The following TRIM71 variants were observed in gnomAD, a reference collection of about 807,000 sequenced individuals.
TRIM71 encodes the protein E3 ubiquitin-protein ligase TRIM71.
Under a neutral mutation model 61.2 loss-of-function variants are expected in TRIM71, and 9 were observed. That is an observed-to-expected ratio of 0.15 (90% CI 0.09 to 0.26). The LOEUF is 0.26. Among genes scored for constraint, TRIM71 ranks in the 10% least tolerant of loss-of-function variants. The pLI is 1.00. For missense variants in TRIM71, 998 were observed against 1,238.7 expected, an observed-to-expected ratio of 0.81 and a Z score of 2.92; for synonymous variants, 645 against 553.2, an observed-to-expected ratio of 1.17 and a Z score of -2.33.
rs1239376404 is a variant in TRIM71 at position 32,818,499 on chromosome 3, C to T, written c.419C>T (p.Pro140Leu). The part of the protein sequence containing the change: ...PPPKNGRAGA[P>L]AGAGGHSNHR... ...CCCAAGAACGGGCGCGCCGGCGCTC[C>T]GGCGGGAGCGGGCGGCCACAGCAAC... Residue 140 changes from proline to leucine, a missense_variant, in exon 1 of 4, where the codon CCG (proline) becomes CTG (leucine). Around this residue, in one of 5 missense-constraint regions of TRIM71, gnomAD observed 527 missense variants for 427.8 expected, o/e 1.23. Transcript: ENST00000383763. The T allele has an allele frequency of 2.8e-6, 4 of 1,421,888 alleles. No individual in the cohort carries two copies. The African/African-American group carries it at 4.5e-5, about 16-fold the overall frequency. The allele number at this position is 1,421,888 out of a possible 1,614,324, so 88.1% of individuals were successfully genotyped here.
At chr3:32,852,920 G>A (rs1016179690) in intron 1 of TRIM71, among the ~76,000 whole-genome samples, 4 of 152,130 alleles carry the variant, frequency 2.6e-5, no homozygotes, top group Non-Finnish European at 4.4e-5. Context: ...CCCCAGTTTG[G>A]TGTGAATAAA....
chr3:32,822,167 C>T (rs1193291658), intron 1 of TRIM71, among the ~76,000 whole-genome samples: 1 of 152,052 alleles, frequency 6.6e-6, no homozygotes, highest in Non-Finnish European at 1.5e-5. Context: ...GGGTTTGAAC[C>T]CAGGAAAGCC....
At chr3:32,841,811 A>C (rs1696409442) in intron 1 of TRIM71, among the ~76,000 whole-genome samples, 1 of 152,030 alleles carries the variant, frequency 6.6e-6, no homozygotes, top group Admixed American at 6.6e-5. Context: ...CTTCCTTTTT[A>C]ATTTATTTTA....
intron 1 of TRIM71, among the ~76,000 whole-genome samples, chr3:32,856,527 G>C (rs1156794061): frequency 6.6e-6 from 1 of 152,160 alleles, no homozygotes; most frequent in Non-Finnish European, 1.5e-5. Flanking sequence ...AAATGTACTG[G>C]ATGTTAAAAA....
intron 1 of TRIM71, among the ~76,000 whole-genome samples, chr3:32,866,479 G>T (rs531599224): frequency 2.0e-5 from 3 of 151,332 alleles, no homozygotes; most frequent in African/African-American, 7.3e-5. Context: ...TGCCCTCTTC[G>T]CACTCCCAAA....
intron 1 of TRIM71, among the ~76,000 whole-genome samples, chr3:32,847,176 C>T (rs544602519): frequency 1.3e-5 from 2 of 151,364 alleles, no homozygotes; most frequent in East Asian, 2.0e-4. Context: ...AGGCTCTCGC[C>T]GCCAGGTCCA....
At chr3:32,819,970 C>T (rs1485532159) in intron 1 of TRIM71, among the ~76,000 whole-genome samples, 2 of 152,268 alleles carry the variant, frequency 1.3e-5, no homozygotes, top group African/African-American at 2.4e-5. Context: ...AGTGTGACCC[C>T]TTTCTCCTTT....
chr3:32,890,302 T>C lies in TRIM71; in HGVS notation c.1156-58T>C, dbSNP rs1476480177. On this transcript the variant is annotated intron_variant, in intron 3 of 3. Transcript: ENST00000383763. The surrounding 1 kb of genome is among the most constrained non-coding windows in gnomAD (Gnocchi z 6.2). ...GTGATTAGTTGTGGCTTATGTGGTA[T>C]TTTCTGTGCTTGGCTCTAAGCCTCT... The C allele has an allele frequency of 3.2e-6, 5 of 1,555,718 alleles. No homozygotes were observed. The highest frequency in any genetic ancestry group is 4.4e-6 in the Non-Finnish European group (5 of 1,147,336).
rs377426628 is a variant in TRIM71, at chr3:32,881,138, C to T, written c.1021-4796C>T. ...GGTTCAAGTGATTTTCCTGCCTCAG[C>T]CTCCTGAGTAGTTGGGATTACAGGT... On this transcript the variant is annotated intron_variant, in intron 2 of 3. Transcript: ENST00000383763. 3.9e-5 allele frequency among the ~76,000 whole-genome samples: 6 copies of T among 152,220 alleles called. No homozygotes were observed. The South Asian group carries it at 8.3e-4, about 21-fold the overall frequency.
intron 1 of TRIM71, among the ~76,000 whole-genome samples, chr3:32,825,832 C>T (rs1696194385): frequency 6.6e-6 from 1 of 152,226 alleles, no homozygotes; most frequent in Admixed American, 6.5e-5. Context: ...ATCCATCTTT[C>T]CTCTAAAGCT....
chr3:32,866,888 A>G (rs567591269), intron 1 of TRIM71, among the ~76,000 whole-genome samples: 1 of 152,270 alleles, frequency 6.6e-6, no homozygotes, highest in Admixed American at 6.5e-5. Context: ...AAGAATTTTT[A>G]AAGAAAATTA....
intron 1 of TRIM71, among the ~76,000 whole-genome samples, chr3:32,871,752 C>G (rs1696797325): frequency 6.6e-6 from 1 of 152,242 alleles, no homozygotes; most frequent in South Asian, 2.1e-4. Context: ...AGGCAAGTTG[C>G]TGCTACCTGG....
At position 32,818,774 on chromosome 3, in the gene TRIM71, C is replaced by G. The variant is rs1398431959; in HGVS notation, c.694C>G (p.Leu232Val). 6.2e-7 allele frequency: 1 copy of G among 1,607,814 alleles called. No individual in the cohort carries two copies. Among genetic ancestry groups the G allele is most frequent in the Non-Finnish European group, 8.5e-7 (1 of 1,178,556 alleles). Reference protein sequence around the residue: ...NCVRAHQRVRLTKDHYIERGP... With the variant: ...NCVRAHQRVRVTKDHYIERGP... ...CGTCCGAGCGCACCAGCGCGTGCGCCTCACCAAGGACCACTACATCGAGCG... is the reference window on the plus strand; with the variant it reads ...CGTCCGAGCGCACCAGCGCGTGCGCGTCACCAAGGACCACTACATCGAGCG... Residue 232 changes from leucine (L) to valine (V), a missense_variant, in exon 1 of 4, where the codon CTC becomes GTC. Coordinates refer to ENST00000383763, the MANE Select transcript of TRIM71 (RefSeq NM_001039111.3).
intron 1 of TRIM71, among the ~76,000 whole-genome samples, chr3:32,843,836 A>G (rs564110827): frequency 3.2e-4 from 49 of 152,260 alleles, no homozygotes; most frequent in Non-Finnish European, 5.4e-4. Context: ...CGGCCCAGAA[A>G]GCAAACCAGG....
chr3:32,848,756 G>A (rs1359238813), intron 1 of TRIM71, among the ~76,000 whole-genome samples: 3 of 152,118 alleles, frequency 2.0e-5, no homozygotes, highest in Non-Finnish European at 4.4e-5. Flanking sequence ...TGGCCAGGCT[G>A]TGGACCCAGT....
intron 1 of TRIM71, among the ~76,000 whole-genome samples, chr3:32,823,384 T>G (rs1220640970): frequency 6.6e-6 from 1 of 152,196 alleles, no homozygotes; most frequent in African/African-American, 2.4e-5. Context: ...GTGCTAGTAG[T>G]ATGGAGGCTG....
At chr3:32,846,686 G>T in intron 1 of TRIM71, among the ~76,000 whole-genome samples, 1 of 57,660 alleles carries the variant, frequency 1.7e-5, no homozygotes, top group Non-Finnish European at 3.2e-5. Flanking sequence ...TCCAACCCCA[G>T]CCTCTGATAT....
chr3:32,820,434 A>G lies in TRIM71; in HGVS notation c.852+1502A>G, dbSNP rs559026458. Among the ~76,000 whole-genome samples the G allele has an allele frequency of 4.6e-5, 7 of 152,256 alleles. No homozygotes were observed. The South Asian group carries it at 1.5e-3, about 32-fold the overall frequency. On this transcript the variant is annotated intron_variant, in intron 1 of 3. Transcript: ENST00000383763. ...TTTTTTTTCCGTTTTTAAACTTTGA[A>G]TGGACTCCTAGTTTTAATATACTGT...
chr3:32,860,598 T>C (rs1055327830), intron 1 of TRIM71, among the ~76,000 whole-genome samples: 5 of 152,212 alleles, frequency 3.3e-5, no homozygotes, highest in African/African-American at 1.2e-4. Flanking sequence ...ACCATTGCTC[T>C]CTACAGTTTG....
Sources: gnomAD v4.1 joint callset for allele counts (sites outside exome capture counted in the v4.1 genomes callset) on GRCh38, gnomAD v4.1.1 for gene constraint, gnomAD v4.1.1 regional missense constraint, Gnocchi (gnomAD v3.1) non-coding constraint, MANE v1.5 for transcripts, NCBI Gene and HGNC (gene_info 2026-07-23, HGNC 2026-07-21) for gene names.